The following KNDC1 variants were observed in gnomAD, a reference collection of about 807,000 sequenced individuals.
KNDC1 encodes kinase non-catalytic C-lobe domain-containing protein 1.
A neutral mutation model predicts 172.8 loss-of-function variants in KNDC1; 106 were observed. The ratio of observed to expected loss-of-function variants is 0.61; its 90% CI spans 0.52 to 0.72. The LOEUF (loss-of-function observed/expected upper bound fraction) is 0.72, where lower values mean the gene tolerates loss of function less well. Among genes scored for constraint, KNDC1 ranks in the 30% least tolerant of loss-of-function variants. The probability of loss-of-function intolerance (pLI) is 0.00; values close to 1 mark genes in which losing one functional copy is unlikely to be tolerated. For synonymous variants in KNDC1, 1,083 were observed against 1,062.2 expected, an observed-to-expected ratio of 1.02 and a Z score of -0.38; for missense variants, 2,325 against 2,394.5, an observed-to-expected ratio of 0.97 and a Z score of 0.61.
At chr10:133,182,944 TGTGGGCACAGGC>T (rs1564881658) in intron 3 of KNDC1, among the ~76,000 whole-genome samples, 67 of 138,600 alleles carry the variant, frequency 4.8e-4, no homozygotes, top group Admixed American at 9.1e-4. Context: ...GCACAGGCGG[TGTGGGCACAGGC>T]GGTGTGGGCA....
chr10:133,178,991 C>T (rs1853637802), intron 3 of KNDC1: 1 of 152,274 alleles, frequency 6.6e-6, no homozygotes, highest in Admixed American at 6.5e-5. Flanking sequence ...TCGACTCCTT[C>T]TCTTCATCCA....
At chr10:133,199,316 C>T in intron 14 of KNDC1, 50 bp downstream of exon 14, 1 of 1,544,744 alleles carries the variant, frequency 6.5e-7, no homozygotes, top group South Asian at 1.3e-5. Context: ...CAGGGAGAGC[C>T]CCACAGGGGA....
intron 3 of KNDC1, among the ~76,000 whole-genome samples, chr10:133,177,610 G>A (rs1853581418): frequency 6.6e-6 from 1 of 152,050 alleles, no homozygotes. Flanking sequence ...CATAATGCAT[G>A]TGCATGCACA....
At chr10:133,160,862 A>AG (rs1435911336) in intron 1 of KNDC1, among the ~76,000 whole-genome samples, 1 of 151,576 alleles carries the variant, frequency 6.6e-6, no homozygotes, top group Admixed American at 6.6e-5. Context: ...AGGAGGACGG[A>AG]GGGGGGTCTG....
At chr10:133,175,833 G>T (rs540228182) in intron 3 of KNDC1, among the ~76,000 whole-genome samples, 3 of 151,964 alleles carry the variant, frequency 2.0e-5, no homozygotes, top group African/African-American at 7.2e-5. Context: ...TGGCTGGCTG[G>T]GTGGATGGGT....
intron 28 of KNDC1, 130 bp downstream of exon 28, chr10:133,219,220 G>C (rs1017688792): frequency 8.9e-7 from 1 of 1,125,486 alleles, no homozygotes. Context: ...AGCCAGGGTG[G>C]CCTCACGGAG....
At chr10:133,166,843 G>A (rs1446743385) in intron 1 of KNDC1, among the ~76,000 whole-genome samples, 1 of 152,166 alleles carries the variant, frequency 6.6e-6, no homozygotes, top group Non-Finnish European at 1.5e-5. Context: ...GAGCCCACAT[G>A]GGGGCGGCCG....
chr10:133,176,122 A>G (rs763113267), intron 3 of KNDC1, among the ~76,000 whole-genome samples: 3 of 150,796 alleles, frequency 2.0e-5, no homozygotes, highest in Non-Finnish European at 4.4e-5. Context: ...AGGTGTATGA[A>G]CAGGCAGATG....
intron 29 of KNDC1, among the ~76,000 whole-genome samples, chr10:133,221,205 C>T (rs557981618): frequency 1.5e-4 from 23 of 152,204 alleles, no homozygotes; most frequent in African/African-American, 4.8e-5. Context: ...CCCTTGAAAC[C>T]CCTCTCCCTA....
rs1845688349 is a variant in KNDC1, at chr10:133,224,830, C to G, written c.5190C>G (p.Ser1730Arg). ...GGGCCAACTTCCACCAGGTCTCCAG[C>G]GAGAAGCACTCACGGAAGATTCAGG... ...DSRANFHQVSSEKHSRKIQDK... is the reference protein window; with the variant it reads ...DSRANFHQVSREKHSRKIQDK... The change falls in exon 30 of 30, where the codon AGC becomes AGG. Residue 1730 changes from serine to arginine, a missense_variant. By Grantham distance (110) the Ser-to-Arg change is moderately radical. Coordinates refer to ENST00000304613, the MANE Select transcript of KNDC1 (RefSeq NM_152643.8). This position sits in a 1 kb window ranked among gnomAD's most constrained non-coding sequence, Gnocchi z 5.4. 1 of 1,614,068 alleles carries G rather than the reference C, an allele frequency of 6.2e-7. No individual in the cohort carries two copies. The highest frequency in any genetic ancestry group is 8.5e-7 in the Non-Finnish European group (1 of 1,180,014).
chr10:133,188,605 C>G lies in KNDC1; in HGVS notation c.1393C>G (p.Leu465Val), dbSNP rs866942980. 2 of 1,597,908 alleles carry G rather than the reference C, an allele frequency of 1.3e-6. No homozygotes were observed. Among genetic ancestry groups the G allele is most frequent in the Non-Finnish European group, 1.7e-6 (2 of 1,174,054 alleles). The change falls in exon 7 of 30, where the codon CTG becomes GTG. Residue 465 changes from leucine to valine, a missense_variant. By Grantham distance (32) the Leu-to-Val change is conservative. Coordinates refer to ENST00000304613, the MANE Select transcript of KNDC1 (RefSeq NM_152643.8). The part of the protein sequence containing the change: ...RPFREYELWA[L>V]CLACLRALQT... ...CTTCCGGGAGTACGAGCTGTGGGCC[C>G]TGTGCCTGGCCTGCCTCCGCGCACT...
chr10:133,213,857 C>T, intron 25 of KNDC1, 115 bp from the exon 26 acceptor site: 1 of 1,453,218 alleles, frequency 6.9e-7, no homozygotes, highest in Non-Finnish European at 9.6e-7. Context: ...GTGGTGTCTG[C>T]CAGTTGGAGC....
chr10:133,184,664 T>C (rs531144087), intron 5 of KNDC1, among the ~76,000 whole-genome samples: 1 of 152,318 alleles, frequency 6.6e-6, no homozygotes, highest in East Asian at 1.9e-4. Flanking sequence ...GCTGGTCCTA[T>C]GCACACACCC....
intron 17 of KNDC1, among the ~76,000 whole-genome samples, chr10:133,204,146 A>G (rs971284992): frequency 2.6e-5 from 4 of 152,150 alleles, no homozygotes; most frequent in Non-Finnish European, 5.9e-5. Flanking sequence ...CGTGGCCACC[A>G]CCATCCTCAG....
At chr10:133,213,478 C>T (rs1033293084) in intron 24 of KNDC1, among the ~76,000 whole-genome samples, 167 bp from the exon 25 acceptor site, 4 of 152,222 alleles carry the variant, frequency 2.6e-5, no homozygotes, top group Admixed American at 1.3e-4. Flanking sequence ...GGGGGCCAAG[C>T]ACATGGGGAG....
In KNDC1 at chr10:133,226,046, G is replaced by A. The variant is rs1208331940; in HGVS notation, c.*1156G>A. 1 of 152,254 alleles carries A rather than the reference G, an allele frequency of 6.6e-6. No individual in the cohort carries two copies. Among genetic ancestry groups the A allele is most frequent in the Non-Finnish European group, 1.5e-5 (1 of 68,048 alleles). The allele number at this position is 152,254 out of a possible 1,614,324, so 9.4% of individuals were successfully genotyped here. A position where few individuals can be genotyped will look rare whatever the true frequency, so the allele number is the denominator to read the frequency against. ...AATTAGTCATTCTTTAGAGCAGCCA[G>A]CTAGTGGCATTTCTAGGAAAACTGT... On this transcript the variant is annotated 3_prime_UTR_variant, in exon 30 of 30. Coordinates refer to ENST00000304613, the MANE Select transcript of KNDC1 (RefSeq NM_152643.8).
intron 1 of KNDC1, 89 bp from the exon 2 acceptor site, chr10:133,167,292 G>A (rs1391407412): frequency 1.2e-5 from 16 of 1,307,546 alleles, no homozygotes; most frequent in South Asian, 1.4e-5. Context: ...GCCACGAGTC[G>A]TCCGTTTCCC....
In KNDC1 at chr10:133,198,751, C is replaced by A; in HGVS notation, c.2243C>A (p.Ala748Glu). ...GGAGCAGCCCCAGAGCCTCTTGGGG[C>A]GTCAGTGCAGCGTGACTCAGCCCAG... ...PQGAAPEPLG[A>E]SVQRDSAQGR... The change falls in exon 14 of 30, where the codon GCG (alanine) becomes GAG (glutamate). Residue 748 changes from alanine to glutamate, a missense_variant. Physicochemically the swap from Ala to Glu is moderately radical, Grantham distance 107. Coordinates refer to ENST00000304613, the MANE Select transcript of KNDC1 (RefSeq NM_152643.8). The A allele has an allele frequency of 6.3e-7, 1 of 1,582,054 alleles. No homozygotes were observed. Among genetic ancestry groups the A allele is most frequent in the African/African-American group, 1.3e-5 (1 of 74,390 alleles).
At chr10:133,175,066 G>A (rs1257772369) in intron 3 of KNDC1, among the ~76,000 whole-genome samples, 1 of 150,478 alleles carries the variant, frequency 6.6e-6, no homozygotes, top group East Asian at 2.0e-4. Flanking sequence ...TGGGTAAATG[G>A]ATGGGTGGGT....
Sources: allele counts gnomAD v4.1 joint callset (sites outside exome capture counted in the v4.1 genomes callset), GRCh38; gene constraint gnomAD v4.1.1; non-coding constraint Gnocchi (gnomAD v3.1); transcripts MANE v1.5; gene names NCBI Gene and HGNC (gene_info 2026-07-23, HGNC 2026-07-21).